The following TFEB variants were observed in gnomAD, a reference collection of about 807,000 sequenced individuals.
TFEB encodes the protein T-cell transcription factor EB.
In TFEB, 12 loss-of-function variants were observed where a neutral mutation model predicts 48.0. The ratio of observed to expected loss-of-function variants is 0.25; its 90% CI spans 0.16 to 0.40. The LOEUF is 0.40. Among genes scored for constraint, TFEB ranks in the 10% least tolerant of loss-of-function variants. TFEB has a pLI of 1.00. For missense variants in TFEB, 509 were observed against 640.3 expected (o/e 0.79, Z 2.21); for synonymous variants, 244 against 261.4 (o/e 0.93, Z 0.64).
In TFEB at chr6:41,690,668, T is replaced by G; in HGVS notation, c.463A>C (p.Arg155=). The change falls in exon 3 of 9, where the codon AGG becomes CGG. Residue 155 remains arginine, a synonymous_variant. Coordinates refer to ENST00000373033, the MANE Select transcript of TFEB (RefSeq NM_001271944.2). ...AMLHIGSNPE[R]ELDDVIDNIM... The stretch of plus-strand genomic sequence containing the variant: ...CTGGCCAGCTCCTCACTCACCTCCC[T>G]CTCAGGGTTGGAGCCAATGTGCAGC... The G allele has an allele frequency of 6.6e-7, 1 of 1,521,336 alleles. No individual in the cohort carries two copies. The highest frequency in any genetic ancestry group is 8.9e-7 in the Non-Finnish European group (1 of 1,129,924). The allele number at this position is 1,521,336 out of a possible 1,614,324, so 94.2% of individuals were successfully genotyped here. A position where few individuals can be genotyped will look rare whatever the true frequency, so the allele number is the denominator to read the frequency against.
intron 1 of TFEB, among the ~76,000 whole-genome samples, chr6:41,728,242 C>G (rs1253556031): frequency 6.6e-6 from 1 of 152,232 alleles, no homozygotes; most frequent in African/African-American, 2.4e-5. Flanking sequence ...TTCCCACCCG[C>G]CCTGCTTGGC....
intron 1 of TFEB, chr6:41,732,659 G>C (rs1358381881): frequency 1.0e-6 from 1 of 985,614 alleles, no homozygotes; most frequent in Non-Finnish European, 1.2e-6. Flanking sequence ...CATGTACCAG[G>C]CACTGCCGCA....
At chr6:41,715,362 A>G (rs1770689022) in intron 1 of TFEB, among the ~76,000 whole-genome samples, 1 of 151,622 alleles carries the variant, frequency 6.6e-6, no homozygotes. Context: ...ACACAGCAAC[A>G]CCCCCACTCC....
chr6:41,705,768 A>G (rs556190010), intron 1 of TFEB: 23 of 152,354 alleles, frequency 1.5e-4, no homozygotes, highest in African/African-American at 4.3e-4. Context: ...ATGTCCAAAA[A>G]AGAACCATCA....
At chr6:41,732,493 T>G (rs1039198120) in intron 1 of TFEB, among the ~76,000 whole-genome samples, 2 of 152,220 alleles carry the variant, frequency 1.3e-5, no homozygotes, top group Non-Finnish European at 2.9e-5. Flanking sequence ...GAGATGAATA[T>G]TCTATTAATA....
At position 41,691,196 on chromosome 6, in the gene TFEB, C is replaced by T. The variant is rs767144798; in HGVS notation, c.18G>A (p.Gly6=). 4 of 1,587,324 alleles carry T rather than the reference C, an allele frequency of 2.5e-6. No individual in the cohort carries two copies. The South Asian group carries it at 4.5e-5, about 18-fold the overall frequency. Reference sequence around the variant, plus strand: ...GCTCCCGCATGAGCTGCATGCGCAACCCTATGCGTGACGCCATGGTGGCTG... The same window carrying T: ...GCTCCCGCATGAGCTGCATGCGCAATCCTATGCGTGACGCCATGGTGGCTG... The part of the protein sequence containing the change: MASRI[G]LRMQLMREQA... The change falls in exon 2 of 9, where the codon GGG becomes GGA. Residue 6 remains glycine (G), a synonymous_variant. Transcript: ENST00000373033. This position sits in a 1 kb window ranked among gnomAD's most constrained non-coding sequence, Gnocchi z 5.2.
chr6:41,697,836 A>G (rs1188154730), intron 1 of TFEB, among the ~76,000 whole-genome samples: 1 of 152,188 alleles, frequency 6.6e-6, no homozygotes, highest in Non-Finnish European at 1.5e-5. Context: ...TCAGGTGACA[A>G]AATGTAGGAT....
intron 1 of TFEB, among the ~76,000 whole-genome samples, chr6:41,701,764 G>A (rs912622528): frequency 6.6e-6 from 1 of 151,960 alleles, no homozygotes; most frequent in African/African-American, 2.4e-5. Context: ...GGCCAACATG[G>A]TGAAACCCTG....
rs1771127245 is a variant in TFEB, at chr6:41,724,563, G to A, written c.-23+10787C>T. On this transcript the variant is annotated intron_variant, in intron 1 of 8. Transcript: ENST00000373033. This position sits in a 1 kb window ranked among gnomAD's most constrained non-coding sequence, Gnocchi z 4.4. ...TGGCAAATTCTGGAAGGACACAAAG[G>A]ATGAGTAGGAGCCAGGCCTGGGTGT... is the stretch of plus-strand genomic sequence containing the variant. 6.6e-6 allele frequency among the ~76,000 whole-genome samples: 1 copy of A among 152,090 alleles called. No individual in the cohort carries two copies. The highest frequency in any genetic ancestry group is 2.4e-5 in the African/African-American group (1 of 41,420).
At chr6:41,708,311 A>AC (rs1770332128) in intron 1 of TFEB, among the ~76,000 whole-genome samples, 1 of 150,234 alleles carries the variant, frequency 6.7e-6, no homozygotes, top group Admixed American at 6.6e-5. Flanking sequence ...GGCTTGGCAG[A>AC]CCCCCAGGGC....
intron 1 of TFEB, among the ~76,000 whole-genome samples, chr6:41,702,307 C>T (rs987774663): frequency 3.9e-5 from 6 of 152,150 alleles, no homozygotes; most frequent in Non-Finnish European, 5.9e-5. Context: ...CTCGCTGAGA[C>T]GGTTAGCCCG....
chr6:41,725,852 C>G (rs12665839), intron 1 of TFEB, among the ~76,000 whole-genome samples: 16,379 of 152,252 alleles, frequency 0.11, 1,061 homozygotes, highest in East Asian at 0.23. Context: ...CTAACAAGAC[C>G]AAGTGTTGAT....
chr6:41,733,986 G>T, intron 1 of TFEB: 1 of 552,230 alleles, frequency 1.8e-6, no homozygotes, highest in Non-Finnish European at 2.3e-6. Context: ...AGGTGTCACT[G>T]GGGGCCTGCA....
At position 41,725,711 on chromosome 6, in the gene TFEB, AC is replaced by A. The variant is rs748817193; in HGVS notation, c.-23+9638del. Among the ~76,000 whole-genome samples the A allele has an allele frequency of 7.1e-4, 108 of 152,150 alleles. 1 individual carries two copies. The highest frequency in any genetic ancestry group is 2.6e-4 in the Non-Finnish European group (18 of 68,030). Reference sequence around the variant, plus strand: ...CTTTCCTTGTAAATTGCTTATATATACCCCGATGCATGAATATATTATAGAT... The same window carrying A: ...CTTTCCTTGTAAATTGCTTATATATACCCGATGCATGAATATATTATAGAT... On this transcript the variant is annotated intron_variant, in intron 1 of 8. Transcript: ENST00000373033.
chr6:41,736,134 C>T (rs878962083), upstream of TFEB: 9 of 1,612,892 alleles, frequency 5.6e-6, no homozygotes, highest in East Asian at 4.5e-5. Context: ...TCTACATTCA[C>T]GCCCCACTCA....
intron 1 of TFEB, among the ~76,000 whole-genome samples, chr6:41,728,754 G>A (rs776206270): frequency 1.3e-5 from 2 of 152,132 alleles, no homozygotes; most frequent in African/African-American, 2.4e-5. Flanking sequence ...ACCAGGAGGA[G>A]GCTGGGCCTG....
chr6:41,716,084 C>T (rs1264221001), intron 1 of TFEB, among the ~76,000 whole-genome samples: 1 of 152,240 alleles, frequency 6.6e-6, no homozygotes, highest in Non-Finnish European at 1.5e-5. Context: ...CACCACCTCT[C>T]TATTATACAG....
intron 1 of TFEB, chr6:41,735,052 C>A: frequency 1.0e-6 from 1 of 985,266 alleles, no homozygotes; most frequent in African/African-American, 1.7e-5. Flanking sequence ...GGCCCATGCC[C>A]GCCCGGCCCC....
At chr6:41,687,686 G>A in intron 6 of TFEB, 67 bp downstream of exon 6, 8 of 1,603,402 alleles carry the variant, frequency 5.0e-6, no homozygotes, top group Non-Finnish European at 6.8e-6. Flanking sequence ...TCAGGGAGTG[G>A]CTTTTTAGCC....
Sources: gnomAD v4.1 joint callset for allele counts (sites outside exome capture counted in the v4.1 genomes callset) on GRCh38, gnomAD v4.1.1 for gene constraint, Gnocchi (gnomAD v3.1) non-coding constraint, MANE v1.5 for transcripts, NCBI Gene and HGNC (gene_info 2026-07-23, HGNC 2026-07-21) for gene names.